Variants in MACROD2 observed in about 807,000 individuals in gnomAD.
The protein encoded by MACROD2 is ADP-ribose glycohydrolase MACROD2.
A neutral mutation model predicts 70.4 loss-of-function variants in MACROD2; 36 were observed. The ratio of observed to expected loss-of-function variants is 0.51; its 90% CI spans 0.39 to 0.68. The LOEUF is 0.68. Among genes scored for constraint, MACROD2 ranks in the 30% least tolerant of loss-of-function variants. The pLI is 0.00. For synonymous variants in MACROD2, 172 were observed against 178.8 expected, an observed-to-expected ratio of 0.96 and a Z score of 0.30; for missense variants, 496 against 538.4, an observed-to-expected ratio of 0.92 and a Z score of 0.78.
intron 6 of MACROD2, among the ~76,000 whole-genome samples, chr20:15,290,384 G>T (rs968833628): frequency 4.6e-5 from 7 of 152,100 alleles, no homozygotes; most frequent in African/African-American, 1.7e-4. Context: ...GTGTTGATTT[G>T]GAGGGGGGAG....
At position 15,084,078 on chromosome 20, in the gene MACROD2, T is replaced by G. The variant is rs5018312; in HGVS notation, c.419-145862T>G. 1.9e-3 allele frequency among the ~76,000 whole-genome samples: 32 copies of G among 17,192 alleles called. No individual in the cohort carries two copies. The South Asian group carries it at 0.025, about 13-fold the overall frequency. The allele number at this position is 17,192 out of a possible 152,430, so 11.3% of individuals were successfully genotyped here. A position where few individuals can be genotyped will look rare whatever the true frequency, so the allele number is the denominator to read the frequency against. ...CACTAGGTTTTTTTTTTTTGTTTTT[T>G]TTTTTTAATGAAGTTTTGCTCTTTT... is the stretch of plus-strand genomic sequence containing the variant. On this transcript the variant is annotated intron_variant, in intron 5 of 17. Transcript: ENST00000684519.
At chr20:15,954,742 A>G (rs546083649) in intron 12 of MACROD2, among the ~76,000 whole-genome samples, 7 of 152,344 alleles carry the variant, frequency 4.6e-5, no homozygotes, top group African/African-American at 9.6e-5. Flanking sequence ...AGATGGAAAT[A>G]TGAGATATAC....
At chr20:14,490,769 C>A (rs2084785046) in intron 3 of MACROD2, among the ~76,000 whole-genome samples, 1 of 152,086 alleles carries the variant, frequency 6.6e-6, no homozygotes, top group African/African-American at 2.4e-5. Context: ...GGCATTCTTA[C>A]TAAGCATTTC....
chr20:15,988,128 G>C (rs1335171747), intron 15 of MACROD2, among the ~76,000 whole-genome samples: 1 of 152,086 alleles, frequency 6.6e-6, no homozygotes, highest in Non-Finnish European at 1.5e-5. Context: ...TAGAGATTTT[G>C]ACACTTTTAA....
chr20:15,601,780 G>A (rs1413936641), intron 8 of MACROD2, among the ~76,000 whole-genome samples: 1 of 152,214 alleles, frequency 6.6e-6, no homozygotes, highest in Non-Finnish European at 1.5e-5. Context: ...TGTAATCTCA[G>A]CACTTTGGGA....
intron 8 of MACROD2, among the ~76,000 whole-genome samples, chr20:15,732,177 G>T (rs1878315541): frequency 1.3e-5 from 2 of 151,758 alleles, no homozygotes; most frequent in African/African-American, 4.8e-5. Flanking sequence ...GAGCAGGATT[G>T]CTGGTGTCCA....
chr20:14,118,737 A>G (rs1601243771), intron 3 of MACROD2, among the ~76,000 whole-genome samples: 1 of 152,036 alleles, frequency 6.6e-6, no homozygotes, highest in African/African-American at 2.4e-5. Flanking sequence ...CTGATCTCAA[A>G]TGGGCTTCCA....
intron 6 of MACROD2, among the ~76,000 whole-genome samples, chr20:15,320,221 C>G (rs2077859763): frequency 6.6e-6 from 1 of 151,916 alleles, no homozygotes; most frequent in Non-Finnish European, 1.5e-5. Context: ...CAAAACAAAA[C>G]AAAAAACATT....
chr20:14,111,973 G>T (rs1443040063), intron 3 of MACROD2, among the ~76,000 whole-genome samples: 1 of 152,004 alleles, frequency 6.6e-6, no homozygotes, highest in Non-Finnish European at 1.5e-5. Flanking sequence ...ATCAGGAGAT[G>T]AATGGATAAA....
At chr20:15,613,729 T>A (rs932382168) in intron 8 of MACROD2, among the ~76,000 whole-genome samples, 4 of 152,196 alleles carry the variant, frequency 2.6e-5, no homozygotes, top group Non-Finnish European at 5.9e-5. Flanking sequence ...CTTCGAAATG[T>A]TTGTGGTTCC....
At chr20:14,827,477 T>C (rs1451845540) in intron 5 of MACROD2, among the ~76,000 whole-genome samples, 1 of 152,052 alleles carries the variant, frequency 6.6e-6, no homozygotes. Flanking sequence ...TCACAATAAC[T>C]CCTAGGTAGA....
intron 10 of MACROD2, among the ~76,000 whole-genome samples, chr20:15,891,731 T>C (rs2147221001): frequency 6.6e-6 from 1 of 152,332 alleles, no homozygotes; most frequent in Admixed American, 6.5e-5. Context: ...TAGATAGTAA[T>C]ACCATTCCTT....
intron 8 of MACROD2, among the ~76,000 whole-genome samples, chr20:15,767,399 G>T: frequency 6.6e-6 from 1 of 152,112 alleles, no homozygotes; most frequent in East Asian, 1.9e-4. Context: ...TATATTTATT[G>T]CAATAATTTC....
intron 3 of MACROD2, among the ~76,000 whole-genome samples, chr20:14,417,324 C>T (rs1244720889): frequency 2.6e-5 from 4 of 151,912 alleles, no homozygotes; most frequent in African/African-American, 7.3e-5. Context: ...TGAAAACTGC[C>T]CTAAGATTGA....
chr20:14,890,964 T>TTCCGTCCG (rs1385222826), intron 5 of MACROD2, among the ~76,000 whole-genome samples: 1 of 129,566 alleles, frequency 7.7e-6, no homozygotes, highest in African/African-American at 3.3e-5. Flanking sequence ...CCTTCCTTCC[T>TTCCGTCCG]TCCTTCCTTC....
chr20:15,912,290 C>A (rs2065248842), intron 10 of MACROD2, among the ~76,000 whole-genome samples: 1 of 152,162 alleles, frequency 6.6e-6, no homozygotes, highest in African/African-American at 2.4e-5. Flanking sequence ...AATTGCTGTC[C>A]AATTTCCTTA....
chr20:15,017,513 G>A (rs1315723157), intron 5 of MACROD2, among the ~76,000 whole-genome samples: 1 of 152,126 alleles, frequency 6.6e-6, no homozygotes, highest in East Asian at 1.9e-4. Context: ...GGGGTCTGGA[G>A]GACGGTGGTC....
At chr20:14,862,712 TATA>T (rs2073384443) in intron 5 of MACROD2, among the ~76,000 whole-genome samples, 2 of 84,030 alleles carry the variant, frequency 2.4e-5, no homozygotes, top group Non-Finnish European at 4.2e-5. Context: ...TATATATATA[TATA>T]TTTTTTTTTA....
intron 5 of MACROD2, among the ~76,000 whole-genome samples, chr20:15,037,868 G>C (rs909622695): frequency 6.6e-6 from 1 of 151,964 alleles, no homozygotes; most frequent in Non-Finnish European, 1.5e-5. Context: ...CTGTTCTATA[G>C]CACAGTATGA....
Sources: gnomAD v4.1 joint callset for allele counts (sites outside exome capture counted in the v4.1 genomes callset) on GRCh38, gnomAD v4.1.1 for gene constraint, MANE v1.5 for transcripts, NCBI Gene and HGNC (gene_info 2026-07-23, HGNC 2026-07-21) for gene names.